PDE8B: variants seen among roughly 807,000 people sequenced by gnomAD.
PDE8B encodes phosphodiesterase 8B.
PDE8B carries 26 observed loss-of-function variants against 101.3 expected under a neutral mutation model. The ratio of observed to expected loss-of-function variants is 0.26; its 90% confidence interval spans 0.19 to 0.36. PDE8B has a LOEUF of 0.36. PDE8B is among the 10% of genes least tolerant of loss of function. PDE8B has a pLI of 1.00. For missense variants in PDE8B, 810 were observed against 1,163.1 expected (o/e 0.70, Z 4.42); for synonymous variants, 424 against 429.3 (o/e 0.99, Z 0.15).
At chr5:77,192,966 A>T in the PDE8B span, among the ~76,000 whole-genome samples, 2 of 152,058 alleles carry the variant, frequency 1.3e-5, no homozygotes, top group Non-Finnish European at 2.9e-5. Context: ...ATTACTGACC[A>T]TTTTTATTTC....
At chr5:77,393,180 G>A (rs981133993) in intron 10 of PDE8B, among the ~76,000 whole-genome samples, 1 of 152,174 alleles carries the variant, frequency 6.6e-6, no homozygotes, top group African/African-American at 2.4e-5. Context: ...GATTGCTTCA[G>A]CTCAGGAGTT....
the PDE8B span, among the ~76,000 whole-genome samples, chr5:77,163,821 G>C: frequency 6.6e-6 from 1 of 152,216 alleles, no homozygotes; most frequent in South Asian, 2.1e-4. Flanking sequence ...ATGGTATGTA[G>C]AGTCACAGTT....
intron 10 of PDE8B, among the ~76,000 whole-genome samples, chr5:77,388,349 G>A (rs1384242601): frequency 6.6e-6 from 1 of 152,178 alleles, no homozygotes; most frequent in Admixed American, 6.5e-5. Flanking sequence ...GTCTCCTGGA[G>A]TTTGCTGGAG....
At chr5:77,229,829 A>T (rs1339114844) in intron 1 of PDE8B, among the ~76,000 whole-genome samples, 1 of 152,198 alleles carries the variant, frequency 6.6e-6, no homozygotes, top group Non-Finnish European at 1.5e-5. Flanking sequence ...CATTTTGTTT[A>T]TCCATTCATC....
the PDE8B span, among the ~76,000 whole-genome samples, chr5:77,108,213 G>C: frequency 6.6e-6 from 1 of 152,144 alleles, no homozygotes; most frequent in African/African-American, 2.4e-5. Context: ...AAACTGTGAG[G>C]TATAATATTT....
the PDE8B span, among the ~76,000 whole-genome samples, chr5:77,094,484 T>C: frequency 6.6e-6 from 1 of 152,154 alleles, no homozygotes. Flanking sequence ...TTTTGTATTT[T>C]GTGTAGAGAC....
chr5:77,407,292 C>T (rs1044489004), intron 12 of PDE8B, 89 bp from the exon 13 acceptor site: 15 of 942,222 alleles, frequency 1.6e-5, no homozygotes, highest in South Asian at 7.8e-5. Context: ...CTGTGAGAAG[C>T]GGGCCCTGGT....
chr5:77,419,709 A>C, intron 18 of PDE8B, 58 bp from the exon 19 acceptor site: 1 of 1,605,048 alleles, frequency 6.2e-7, no homozygotes, highest in Non-Finnish European at 8.5e-7. Context: ...ATGGTGGCAG[A>C]ATAGTTATAA....
chr5:77,196,508 A>G, the PDE8B span, among the ~76,000 whole-genome samples: 1 of 152,216 alleles, frequency 6.6e-6, no homozygotes, highest in African/African-American at 2.4e-5. Context: ...TTGAATGTGA[A>G]ACTAACTTTG....
chr5:77,176,948 C>T, the PDE8B span, among the ~76,000 whole-genome samples: 1 of 152,216 alleles, frequency 6.6e-6, no homozygotes, highest in South Asian at 2.1e-4. Flanking sequence ...ACTTGGAATT[C>T]TGTGCCTTTG....
the PDE8B span, among the ~76,000 whole-genome samples, chr5:77,174,735 T>C: frequency 6.6e-6 from 1 of 152,238 alleles, no homozygotes; most frequent in Admixed American, 6.5e-5. Flanking sequence ...ACCCAGAGTA[T>C]GGTTCTCCAC....
At chr5:77,293,367 T>A (rs12188903) in intron 1 of PDE8B, among the ~76,000 whole-genome samples, 4,488 of 151,012 alleles carry the variant, frequency 0.03, 101 homozygotes, top group Non-Finnish European at 0.041. Context: ...GAGAATCATT[T>A]CACAAGTTTA....
At chr5:77,175,923 G>A in the PDE8B span, among the ~76,000 whole-genome samples, 1 of 152,050 alleles carries the variant, frequency 6.6e-6, no homozygotes, top group East Asian at 1.9e-4. Flanking sequence ...TTCAATCTTT[G>A]AAGAAGAAAG....
intron 1 of PDE8B, among the ~76,000 whole-genome samples, chr5:77,224,471 C>G (rs769779236): frequency 3.9e-5 from 6 of 152,198 alleles, no homozygotes; most frequent in African/African-American, 7.2e-5. Context: ...ATACCTCCTA[C>G]TTTCCCCCAT....
the PDE8B span, among the ~76,000 whole-genome samples, chr5:77,106,414 C>A: frequency 0.013 from 1,991 of 152,280 alleles, 45 homozygotes; most frequent in African/African-American, 0.044. Flanking sequence ...CGAAGCACCC[C>A]TTTTCCCCCA....
intron 1 of PDE8B, among the ~76,000 whole-genome samples, chr5:77,248,238 T>C (rs1461543207): frequency 1.3e-5 from 2 of 152,206 alleles, no homozygotes; most frequent in Non-Finnish European, 2.9e-5. Flanking sequence ...GTTTATTCAC[T>C]GTTGGAACCC....
In PDE8B at chr5:77,222,684, C is replaced by T. The variant is rs6866832; in HGVS notation, c.339+11420C>T. Among the ~76,000 whole-genome samples, 588 of 152,228 alleles carry T rather than the reference C, an allele frequency of 3.9e-3. 2 individuals are homozygous for T. The highest frequency in any genetic ancestry group is 0.013 in the African/African-American group (555 of 41,526). On this transcript the variant is annotated intron_variant, in intron 1 of 21. Coordinates refer to ENST00000264917, the MANE Select transcript of PDE8B (RefSeq NM_003719.5). ...GGAAGGCAATGTGTTGACTGAGTGCCGGCTGGCTGGCAGGAGTTACGGATT... is the reference window on the plus strand; with the variant it reads ...GGAAGGCAATGTGTTGACTGAGTGCTGGCTGGCTGGCAGGAGTTACGGATT...
At chr5:77,336,257 C>T (rs184400528) in intron 5 of PDE8B, among the ~76,000 whole-genome samples, 182 of 152,216 alleles carry the variant, frequency 1.2e-3, no homozygotes, top group African/African-American at 3.3e-3. Flanking sequence ...TTCAGTGACA[C>T]TTAGCACATA....
In PDE8B at chr5:77,412,240, G is replaced by C; in HGVS notation, c.1712+5G>C. On this transcript the variant is annotated splice_donor_5th_base_variant and intron_variant, in intron 16 of 21. Transcript: ENST00000264917. Reference sequence around the variant, plus strand: ...GGAAGCCATTACGCATAAAAGGTATGTGACTTCTCTGGCTGAAGGCAGAGC... The same window carrying C: ...GGAAGCCATTACGCATAAAAGGTATCTGACTTCTCTGGCTGAAGGCAGAGC... The C allele has an allele frequency of 6.2e-7, 1 of 1,614,080 alleles. No homozygotes were observed. Among genetic ancestry groups the C allele is most frequent in the East Asian group, 2.2e-5 (1 of 44,878 alleles).
Sources: allele counts gnomAD v4.1 joint callset (sites outside exome capture counted in the v4.1 genomes callset), GRCh38; gene constraint gnomAD v4.1.1; transcripts MANE v1.5; gene names NCBI Gene and HGNC (gene_info 2026-07-23, HGNC 2026-07-21).